ICA1L: variants seen among roughly 807,000 people sequenced by gnomAD.
The protein encoded by ICA1L is islet cell autoantigen 1-like protein.
Under a neutral mutation model 61.3 loss-of-function variants are expected in ICA1L, and 50 were observed. That is an observed-to-expected ratio of 0.82 (90% CI 0.65 to 1.03). The LOEUF (loss-of-function observed/expected upper bound fraction) is 1.03, where lower values mean the gene tolerates loss of function less well. ICA1L is among the 50% of genes least tolerant of loss of function. The pLI, the probability that ICA1L is intolerant of heterozygous loss-of-function variation, is 0.00. For missense variants in ICA1L, 508 were observed against 556.7 expected, an observed-to-expected ratio of 0.91 and a Z score of 0.88; for synonymous variants, 161 against 191.3, an observed-to-expected ratio of 0.84 and a Z score of 1.31.
rs1188910215 is a variant in ICA1L, at chr2:202,819,701, T to G, written c.558A>C (p.Lys186Asn). 1 of 1,610,758 alleles carries G rather than the reference T, an allele frequency of 6.2e-7. No individual in the cohort carries two copies. Among genetic ancestry groups the G allele is most frequent in the Admixed American group, 1.7e-5 (1 of 60,024 alleles). The part of the protein sequence containing the change: ...DTLKQMEKFR[K>N]VQMQVRNSKA... ...AAAGGAAAGGGATACGTTTTCATAC[T>G]TTTCTAAACTTTTCCATTTGCTTTA... The change falls in exon 5 of 13, where the codon AAA becomes AAC. Residue 186 changes from lysine (K) to asparagine (N), a missense_variant and splice_region_variant. Lys to Asn is a moderately conservative substitution (Grantham distance 94). Transcript: ENST00000358299.
intron 6 of ICA1L, among the ~76,000 whole-genome samples, chr2:202,816,960 C>G: frequency 6.6e-6 from 1 of 152,110 alleles, no homozygotes; most frequent in Non-Finnish European, 1.5e-5. Flanking sequence ...AAATAGAAAA[C>G]TTTGGTTTCT....
intron 1 of ICA1L, among the ~76,000 whole-genome samples, chr2:202,848,726 A>G (rs549613087): frequency 1.3e-5 from 2 of 152,344 alleles, no homozygotes; most frequent in Admixed American, 1.3e-4. Context: ...GTATACATAC[A>G]TATATATTTT....
intron 1 of ICA1L, among the ~76,000 whole-genome samples, chr2:202,837,282 G>T (rs1694179814): frequency 2.0e-5 from 3 of 149,114 alleles, no homozygotes; most frequent in Admixed American, 1.3e-4. Flanking sequence ...TTCCGTTGTT[G>T]TTTTTTTTTG....
chr2:202,839,134 C>G (rs763981709), intron 1 of ICA1L, among the ~76,000 whole-genome samples: 1 of 152,148 alleles, frequency 6.6e-6, no homozygotes, highest in Non-Finnish European at 1.5e-5. Flanking sequence ...TATCTAACCC[C>G]ACTCTCTTTT....
intron 3 of ICA1L, chr2:202,825,420 T>G: frequency 3.2e-6 from 2 of 623,582 alleles, no homozygotes; most frequent in Non-Finnish European, 4.4e-6. Context: ...TAGTGAGCTG[T>G]GATTGCACCA....
In ICA1L at chr2:202,774,413, C is replaced by A; in HGVS notation, c.*5120G>T. On this transcript the variant is annotated 3_prime_UTR_variant, in exon 13 of 13. Transcript: ENST00000358299. ...TCACTGCGCCTCCAACAGCCAGGGT[C>A]GAGCCCCTGGCTCCCCGTTCGTCCA... is the stretch of plus-strand genomic sequence containing the variant. 1.1e-6 allele frequency: 1 copy of A among 941,956 alleles called. No individual in the cohort carries two copies. Among genetic ancestry groups the A allele is most frequent in the South Asian group, 2.3e-5 (1 of 43,268 alleles). 58.3% of individuals were successfully genotyped at this position (941,956 alleles called of 1,614,324 possible).
rs1222832741 is a variant in ICA1L, at chr2:202,819,633, A to T, written c.558+68T>A. On this transcript the variant is annotated intron_variant, in intron 5 of 12. Transcript: ENST00000358299. ...ACCAAAAAACATCTGAAATTTTATT[A>T]TCTTAATTATTCTGTGGCAGTTTCA... 4 of 1,180,010 alleles carry T rather than the reference A, an allele frequency of 3.4e-6. No individual in the cohort carries two copies. In the East Asian group the frequency reaches 7.0e-5, roughly 21 times the overall value. The allele number at this position is 1,180,010 out of a possible 1,614,324, so 73.1% of individuals were successfully genotyped here.
chr2:202,780,852 C>T (rs745488180), intron 12 of ICA1L, among the ~76,000 whole-genome samples: 50 of 152,120 alleles, frequency 3.3e-4, no homozygotes, highest in Non-Finnish European at 4.4e-4. Flanking sequence ...ATGAGTAATA[C>T]TGGGCAAGTC....
intron 1 of ICA1L, among the ~76,000 whole-genome samples, chr2:202,846,484 G>C (rs964315425): frequency 6.6e-6 from 1 of 152,078 alleles, no homozygotes; most frequent in African/African-American, 2.4e-5. Flanking sequence ...AGCTTCAAGT[G>C]GGGGGTTCCC....
Position 202,773,754 on chromosome 2 carries a change from G to T in ICA1L, c.*5779C>A. 2 of 1,341,412 alleles carry T rather than the reference G, an allele frequency of 1.5e-6. No individual in the cohort carries two copies. Among genetic ancestry groups the T allele is most frequent in the Non-Finnish European group, 2.1e-6 (2 of 935,294 alleles). 83.1% of individuals were successfully genotyped at this position (1,341,412 alleles called of 1,614,324 possible). On this transcript the variant is annotated 3_prime_UTR_variant, in exon 13 of 13. Coordinates refer to ENST00000358299, the MANE Select transcript of ICA1L (RefSeq NM_001288622.3). ...CATGAAGAGTTTAATAACCATCCAG[G>T]TCCAAAGGTGGAAGAATACATACAC...
chr2:202,783,478 A>G (rs1419519305), intron 12 of ICA1L, among the ~76,000 whole-genome samples: 1 of 152,236 alleles, frequency 6.6e-6, no homozygotes, highest in Non-Finnish European at 1.5e-5. Context: ...GCCAAAATGC[A>G]TAACCTGGGT....
chr2:202,816,091 T>C, intron 6 of ICA1L, 82 bp from the exon 7 acceptor site: 1 of 824,710 alleles, frequency 1.2e-6, no homozygotes, highest in Non-Finnish European at 1.8e-6. Flanking sequence ...ACTAGTTTAG[T>C]AGATGAACAG....
Position 202,774,469 on chromosome 2 carries a change from T to A in ICA1L, c.*5064A>T. On this transcript the variant is annotated 3_prime_UTR_variant, in exon 13 of 13. Coordinates refer to ENST00000358299, the MANE Select transcript of ICA1L (RefSeq NM_001288622.3). Reference sequence around the variant, plus strand: ...GCTCAAGAAACAACTTTTTCTTTCATGTTTTTTGTATGTGTTTTTTTAGGT... The same window carrying A: ...GCTCAAGAAACAACTTTTTCTTTCAAGTTTTTTGTATGTGTTTTTTTAGGT... 2.0e-6 allele frequency: 1 copy of A among 496,638 alleles called. No homozygotes were observed. The highest frequency in any genetic ancestry group is 3.4e-6 in the Non-Finnish European group (1 of 298,314). The allele number at this position is 496,638 out of a possible 1,614,324, so 30.8% of individuals were successfully genotyped here. A position where few individuals can be genotyped will look rare whatever the true frequency, so the allele number is the denominator to read the frequency against.
chr2:202,857,106 T>C (rs1215866536), intron 1 of ICA1L, among the ~76,000 whole-genome samples: 1 of 152,216 alleles, frequency 6.6e-6, no homozygotes, highest in Non-Finnish European at 1.5e-5. Context: ...ACCATTGACT[T>C]TCTTCACAGA....
chr2:202,782,388 T>G (rs1015316731), intron 12 of ICA1L, among the ~76,000 whole-genome samples: 6 of 151,682 alleles, frequency 4.0e-5, no homozygotes, highest in Admixed American at 6.6e-5. Flanking sequence ...TATTAATTTT[T>G]TTGTTGTTGT....
chr2:202,798,408 T>C (rs1446337567), intron 9 of ICA1L, among the ~76,000 whole-genome samples: 1 of 152,062 alleles, frequency 6.6e-6, no homozygotes, highest in Non-Finnish European at 1.5e-5. Context: ...CTGAATAATT[T>C]TTTTAAATTT....
chr2:202,788,673 T>C (rs922959001), intron 11 of ICA1L, among the ~76,000 whole-genome samples, 157 bp downstream of exon 11: 2 of 151,854 alleles, frequency 1.3e-5, no homozygotes, highest in African/African-American at 4.8e-5. Context: ...CTGAGGTGAC[T>C]AATATTTTTC....
intron 11 of ICA1L, 61 bp downstream of exon 11, chr2:202,788,769 C>A (rs1692662774): frequency 3.8e-6 from 6 of 1,560,504 alleles, no homozygotes. Context: ...AATAAGCACA[C>A]CATTTTGCTT....
chr2:202,806,100 G>A (rs1472952353), intron 9 of ICA1L, among the ~76,000 whole-genome samples: 1 of 152,164 alleles, frequency 6.6e-6, no homozygotes, highest in African/African-American at 2.4e-5. Flanking sequence ...AGGCTGAGCC[G>A]AAAGCTCCAG....
Sources: gnomAD v4.1 joint callset for allele counts (sites outside exome capture counted in the v4.1 genomes callset) on GRCh38, gnomAD v4.1.1 for gene constraint, MANE v1.5 for transcripts, NCBI Gene and HGNC (gene_info 2026-07-23, HGNC 2026-07-21) for gene names.